Variants in FYB2 observed in about 807,000 individuals in gnomAD.
The protein encoded by FYB2 is FYN binding protein 2.
A neutral mutation model predicts 94.1 loss-of-function variants in FYB2; 103 were observed. That is an observed-to-expected ratio of 1.09 (90% CI 0.93 to 1.29). The LOEUF (loss-of-function observed/expected upper bound fraction) is 1.29, where lower values mean the gene tolerates loss of function less well. Ranked by LOEUF, FYB2 falls within the 50% of genes most tolerant of loss-of-function variation. The pLI is 0.00. For missense variants in FYB2, 896 were observed against 841.5 expected (o/e 1.06, Z -0.80); for synonymous variants, 293 against 287.9 (o/e 1.02, Z -0.18).
At chr1:56,804,098 A>T (rs1380694176) in intron 1 of FYB2, among the ~76,000 whole-genome samples, 1 of 152,150 alleles carries the variant, frequency 6.6e-6, no homozygotes, top group East Asian at 1.9e-4. Context: ...GGATTTGAAA[A>T]CATGTCTTAC....
chr1:56,779,309 G>A (rs987825755), intron 4 of FYB2, among the ~76,000 whole-genome samples: 5 of 152,088 alleles, frequency 3.3e-5, no homozygotes, highest in Admixed American at 1.3e-4. Flanking sequence ...AAAAACTAAT[G>A]AGTCCAAAGA....
chr1:56,791,260 CTT>C (rs34101290), intron 2 of FYB2, among the ~76,000 whole-genome samples: 6 of 143,724 alleles, frequency 4.2e-5, no homozygotes, highest in Admixed American at 1.4e-4. Flanking sequence ...CAGTCCTTAT[CTT>C]TTTTTTTTTT....
At chr1:56,821,054 A>G (rs1194161765), upstream of FYB2, among the ~76,000 whole-genome samples, 1 of 152,230 alleles carries the variant, frequency 6.6e-6, no homozygotes, top group Admixed American at 6.5e-5. Flanking sequence ...ACCCAGGCCA[A>G]AAGTCATCTG....
At chr1:56,722,781 G>A (rs1450617725) in intron 17 of FYB2, among the ~76,000 whole-genome samples, 1 of 152,070 alleles carries the variant, frequency 6.6e-6, no homozygotes, top group Non-Finnish European at 1.5e-5. Flanking sequence ...TCTATGCCAT[G>A]TTAAGAAGCC....
chr1:56,819,502 T>G, upstream of FYB2: 1 of 655,504 alleles, frequency 1.5e-6, no homozygotes, highest in Non-Finnish European at 2.6e-6. Context: ...TCCTCCCAGC[T>G]TGGCTTAGAC....
chr1:56,727,516 A>G (rs1476683111), intron 15 of FYB2, among the ~76,000 whole-genome samples: 1 of 152,148 alleles, frequency 6.6e-6, no homozygotes, highest in Non-Finnish European at 1.5e-5. Flanking sequence ...CATTAAAATG[A>G]AAGGAAAAAT....
At chr1:56,744,375 G>A in intron 9 of FYB2, 109 bp from the exon 10 acceptor site, 1 of 781,022 alleles carries the variant, frequency 1.3e-6, no homozygotes, top group Non-Finnish European at 2.1e-6. Context: ...CAGATTAAAT[G>A]GGCTAAAATT....
chr1:56,777,869 A>G (rs1251485680), intron 4 of FYB2, among the ~76,000 whole-genome samples: 2 of 152,106 alleles, frequency 1.3e-5, no homozygotes, highest in African/African-American at 4.8e-5. Context: ...TATTCTCCAC[A>G]CAGCAGCCAA....
At chr1:56,793,600 A>G (rs1646325150) in intron 1 of FYB2, among the ~76,000 whole-genome samples, 3 of 152,146 alleles carry the variant, frequency 2.0e-5, no homozygotes, top group South Asian at 2.1e-4. Context: ...GAAGGGGCAT[A>G]AAGTTTGAAA....
At chr1:56,760,571 G>C (rs1645468096) in intron 5 of FYB2, among the ~76,000 whole-genome samples, 2 of 152,036 alleles carry the variant, frequency 1.3e-5, no homozygotes, top group Non-Finnish European at 1.5e-5. Context: ...ATATGAATTT[G>C]CTTTCCAATT....
intron 12 of FYB2, 58 bp from the exon 13 acceptor site, chr1:56,740,853 A>G: frequency 8.6e-7 from 1 of 1,167,812 alleles, no homozygotes. Flanking sequence ...TAGAGATAGA[A>G]GGCTGTTGTA....
intron 1 of FYB2, among the ~76,000 whole-genome samples, chr1:56,804,843 A>C (rs1646604863): frequency 6.6e-6 from 1 of 152,188 alleles, no homozygotes; most frequent in Non-Finnish European, 1.5e-5. Context: ...TAAATCATAC[A>C]TTCCTTAGCC....
Position 56,792,785 on chromosome 1 carries a change from T to C in FYB2, c.28A>G (p.Lys10Glu). 6.2e-7 allele frequency: 1 copy of C among 1,612,330 alleles called. No individual in the cohort carries two copies. Among genetic ancestry groups the C allele is most frequent in the Non-Finnish European group, 8.5e-7 (1 of 1,179,364 alleles). Residue 10 changes from lysine (K) to glutamate (E), a missense_variant, in exon 2 of 20, where the codon AAG becomes GAG. Physicochemically the swap from Lys to Glu is moderately conservative, Grantham distance 56 (BLOSUM62 1). Coordinates refer to ENST00000343433, the MANE Select transcript of FYB2 (RefSeq NM_001004303.5). MEGEGVRNFKELRAKFQNLD... is the reference protein window; with the variant it reads MEGEGVRNFEELRAKFQNLD... The stretch of plus-strand genomic sequence containing the variant: ...TTTTGAAATTTGGCTCGAAGTTCCT[T>C]GAAGTTTCTTACCCCTTCCTAAGGC...
chr1:56,727,222 G>A (rs573700810), intron 15 of FYB2, among the ~76,000 whole-genome samples: 2 of 152,170 alleles, frequency 1.3e-5, no homozygotes, highest in East Asian at 3.9e-4. Flanking sequence ...GTACAAGGGA[G>A]GAAATGGATG....
intron 9 of FYB2, among the ~76,000 whole-genome samples, chr1:56,747,744 T>A (rs567634244): frequency 4.6e-5 from 7 of 152,324 alleles, no homozygotes; most frequent in African/African-American, 1.7e-4. Context: ...GAATTATTTA[T>A]AATCCTTTGG....
At chr1:56,809,133 T>G (rs747255715) in intron 1 of FYB2, among the ~76,000 whole-genome samples, 5 of 152,206 alleles carry the variant, frequency 3.3e-5, no homozygotes, top group Non-Finnish European at 5.9e-5. Context: ...GTGGCCCCAC[T>G]GCAGACTTCA....
chr1:56,806,515 C>T (rs1294893621), intron 1 of FYB2, among the ~76,000 whole-genome samples: 1 of 152,080 alleles, frequency 6.6e-6, no homozygotes, highest in Non-Finnish European at 1.5e-5. Context: ...AAAGGTCTCA[C>T]AGGCCACTAG....
chr1:56,775,994 G>C (rs985398331), intron 4 of FYB2, among the ~76,000 whole-genome samples: 1 of 152,192 alleles, frequency 6.6e-6, no homozygotes, highest in African/African-American at 2.4e-5. Context: ...GCATTCTACA[G>C]TTGAGGAAAC....
At chr1:56,732,730 G>GTACA (rs1390057675) in intron 15 of FYB2, among the ~76,000 whole-genome samples, 1 of 152,020 alleles carries the variant, frequency 6.6e-6, no homozygotes, top group Non-Finnish European at 1.5e-5. Context: ...AATGGGGGAA[G>GTACA]TACAGTCTTT....
Sources: gnomAD v4.1 joint callset for allele counts (sites outside exome capture counted in the v4.1 genomes callset) on GRCh38, gnomAD v4.1.1 for gene constraint, MANE v1.5 for transcripts, NCBI Gene and HGNC (gene_info 2026-07-23, HGNC 2026-07-21) for gene names.